Variants in ABCA12 observed in about 807,000 individuals in gnomAD.
ABCA12 encodes glucosylceramide transporter ABCA12.
ABCA12 carries 156 observed loss-of-function variants against 293.5 expected under a neutral mutation model. The ratio of observed to expected loss-of-function variants is 0.53; its 90% CI spans 0.47 to 0.61. ABCA12 has a LOEUF of 0.61. Among genes scored for constraint, ABCA12 ranks in the 20% least tolerant of loss-of-function variants. The pLI is 0.00. For missense variants in ABCA12, 2,797 were observed against 3,090.2 expected (o/e 0.91, Z 2.25); for synonymous variants, 1,063 against 1,108.0 (o/e 0.96, Z 0.81).
chr2:215,075,551 T>C lies in ABCA12; in HGVS notation c.164-11332A>G, dbSNP rs138518028. ...CCTGTATCTTGAGTCAGTTTCCTCA[T>C]TTATGCAGGAAAAAAAAAAAATCTG... On this transcript the variant is annotated intron_variant, in intron 2 of 52. Coordinates refer to ENST00000272895, the MANE Select transcript of ABCA12 (RefSeq NM_173076.3). The C allele has an allele frequency of 5.9e-4, 410 of 698,882 alleles. 1 individual carries two copies. The African/African-American group carries it at 6.0e-3, about 10-fold the overall frequency. 43.3% of individuals were successfully genotyped at this position (698,882 alleles called of 1,614,324 possible). A position where few individuals can be genotyped will look rare whatever the true frequency, so the allele number is the denominator to read the frequency against.
At chr2:214,991,077 C>A in intron 23 of ABCA12, 46 bp from the exon 24 acceptor site, 1 of 1,548,822 alleles carries the variant, frequency 6.5e-7, no homozygotes, top group South Asian at 1.1e-5. Flanking sequence ...TGATATTCTT[C>A]CAAATAAAAA....
In ABCA12 at chr2:215,049,692, T is replaced by G. The variant is rs149882663; in HGVS notation, c.627A>C (p.Lys209Asn). ...AAAGGGTCATGTTAGAAAGGCAAAA[T>G]TTGTTAAAAACATTTCTTCCTAGAA... The part of the protein sequence containing the change: ...WTFLGRNVFN[K>N]FCLSNMTLLE... The change falls in exon 6 of 53, where the codon AAA becomes AAC. Residue 209 changes from lysine to asparagine, a missense_variant. Transcript: ENST00000272895. The G allele has an allele frequency of 2.4e-5, 38 of 1,613,506 alleles. No individual in the cohort carries two copies. The African/African-American group carries it at 4.1e-4, about 18-fold the overall frequency.
intron 8 of ABCA12, among the ~76,000 whole-genome samples, chr2:215,032,934 C>G (rs1025644811): frequency 6.6e-6 from 1 of 152,052 alleles, no homozygotes; most frequent in Non-Finnish European, 1.5e-5. Flanking sequence ...TTTTGCTGGT[C>G]CTGATTATTA....
chr2:215,077,920 C>A (rs944627496), intron 2 of ABCA12, among the ~76,000 whole-genome samples: 25 of 152,068 alleles, frequency 1.6e-4, no homozygotes, highest in Admixed American at 1.6e-3. Context: ...AGATCACACA[C>A]AAAAAACGTA....
chr2:214,980,914 C>G (rs1699634259), intron 30 of ABCA12, among the ~76,000 whole-genome samples: 1 of 152,002 alleles, frequency 6.6e-6, no homozygotes, highest in Non-Finnish European at 1.5e-5. Flanking sequence ...GCCTGGCCAA[C>G]ATGGTGAAAC....
At chr2:214,987,490 C>T (rs1446567587) in intron 27 of ABCA12, among the ~76,000 whole-genome samples, 157 bp downstream of exon 27, 1 of 152,110 alleles carries the variant, frequency 6.6e-6, no homozygotes, top group Non-Finnish European at 1.5e-5. Context: ...ACAATTTAAT[C>T]CCCATAAGAG....
At chr2:214,960,575 CA>C (rs1334950528) in intron 39 of ABCA12, 3 of 152,018 alleles carry the variant, frequency 2.0e-5, no homozygotes, top group Non-Finnish European at 4.4e-5. Context: ...GCATGATGTC[CA>C]AAGTAGCGAG....
Position 214,953,997 on chromosome 2 carries a change from G to A in ABCA12, c.6504C>T (p.Phe2168=), listed in dbSNP as rs143361410. 8 of 1,613,966 alleles carry A rather than the reference G, an allele frequency of 5.0e-6. No individual in the cohort carries two copies. The African/African-American group carries it at 1.1e-4, about 22-fold the overall frequency. Residue 2168 remains phenylalanine (F), a synonymous_variant, in exon 44 of 53, where the codon TTC becomes TTT. Transcript: ENST00000272895. ...GGTATTCCACTCCATATGCTTTTAAGAAGTCTAGGACCGACTGTTGTTGAG... is the reference window on the plus strand; with the variant it reads ...GGTATTCCACTCCATATGCTTTTAAAAAGTCTAGGACCGACTGTTGTTGAG... ...ELSQQQSVLD[F]LKAYGVEYPN...
In ABCA12 at chr2:214,966,936, T is replaced by C. The variant is rs774138733; in HGVS notation, c.5796A>G (p.Glu1932=). The change falls in exon 39 of 53, where the codon GAA becomes GAG. Residue 1932 remains glutamate, a synonymous_variant. Coordinates refer to ENST00000272895, the MANE Select transcript of ABCA12 (RefSeq NM_173076.3). Reference sequence around the variant, plus strand: ...GGTAAGCTGGAAGGGAGTGATAGCCTTCTGGATCATACCATACCTATTAAA... The same window carrying C: ...GGTAAGCTGGAAGGGAGTGATAGCCCTCTGGATCATACCATACCTATTAAA... ...RTLAKVWYDP[E]GYHSLPAYLN... 1 of 1,613,708 alleles carries C rather than the reference T, an allele frequency of 6.2e-7. No individual in the cohort carries two copies. The highest frequency in any genetic ancestry group is 8.5e-7 in the Non-Finnish European group (1 of 1,179,704).
At position 214,986,677 on chromosome 2, in the gene ABCA12, G is replaced by T; in HGVS notation, c.4028C>A (p.Thr1343Lys). The change falls in exon 28 of 53, where the codon ACA becomes AAA. Residue 1343 changes from threonine to lysine, a missense_variant. Thr to Lys is a moderately conservative substitution (Grantham distance 78, BLOSUM62 -1). Around this residue, in one of 3 missense-constraint regions of ABCA12, gnomAD observed 2,130 missense variants for 2,427.0 expected, o/e 0.88. Coordinates refer to ENST00000272895, the MANE Select transcript of ABCA12 (RefSeq NM_173076.3). ...SNIEPEPKDL[T>K]VGVALHGVTK... ...GACCCCATGCAGGGCAACCCCGACT[G>T]TGAGATCTTTAGGTTCAGGCTCGAT... The T allele has an allele frequency of 6.2e-7, 1 of 1,614,122 alleles. No individual in the cohort carries two copies. The highest frequency in any genetic ancestry group is 8.5e-7 in the Non-Finnish European group (1 of 1,179,990).
At position 214,991,047 on chromosome 2, in the gene ABCA12, A is replaced by G. The variant is rs1334827466; in HGVS notation, c.3295-16T>C. 1 of 1,609,112 alleles carries G rather than the reference A, an allele frequency of 6.2e-7. No homozygotes were observed. Among genetic ancestry groups the G allele is most frequent in the Admixed American group, 1.7e-5 (1 of 60,018 alleles). Reference sequence around the variant, plus strand: ...TCTTCATGTACTGTAAGAAGAAAAAATGTGAGGCGCTTGTTATGCTGATAT... The same window carrying G: ...TCTTCATGTACTGTAAGAAGAAAAAGTGTGAGGCGCTTGTTATGCTGATAT... On this transcript the variant is annotated splice_polypyrimidine_tract_variant and intron_variant, in intron 23 of 52. Transcript: ENST00000272895.
At chr2:215,025,640 G>GTTTTTTTTTTTTTTTTTTTTTTTT in intron 11 of ABCA12, 33 bp downstream of exon 11, 1 of 1,222,562 alleles carries the variant, frequency 8.2e-7, no homozygotes, top group Non-Finnish European at 1.1e-6. Flanking sequence ...TTTTTTTTTT[G>GTTTTTTTTTTTTTTTTTTTTTTTT]TTTTTTGTTT....
At chr2:215,001,811 T>C in intron 20 of ABCA12, 74 bp from the exon 21 acceptor site, 1 of 1,318,166 alleles carries the variant, frequency 7.6e-7, no homozygotes, top group Non-Finnish European at 1.1e-6. Context: ...GAAATACTGA[T>C]TTTTTGTAAA....
rs945688014 is a variant in ABCA12, at chr2:214,986,591, G to A, written c.4114C>T (p.His1372Tyr). 1 of 1,613,882 alleles carries A rather than the reference G, an allele frequency of 6.2e-7. No individual in the cohort carries two copies. The highest frequency in any genetic ancestry group is 8.5e-7 in the Non-Finnish European group (1 of 1,179,982). Residue 1372 changes from histidine (H) to tyrosine (Y), a missense_variant, in exon 28 of 53, where the codon CAT (histidine) becomes TAT (tyrosine). By Grantham distance (83) the His-to-Tyr change is moderately conservative. Coordinates refer to ENST00000272895, the MANE Select transcript of ABCA12 (RefSeq NM_173076.3). Reference protein sequence around the residue: ...DNLNLNFYEGHITSLLGPNGA... With the variant: ...DNLNLNFYEGYITSLLGPNGA... ...TTGGGCCCCAGCAATGAAGTAATAT[G>A]CCCTTCATAAAAGTTCAGATTGAGG...
At chr2:214,938,576 C>T (rs896909057) in intron 50 of ABCA12, among the ~76,000 whole-genome samples, 11 of 152,050 alleles carry the variant, frequency 7.2e-5, no homozygotes, top group South Asian at 4.1e-4. Context: ...TTTACACTTC[C>T]GCCAACAGTG....
chr2:214,938,119 C>A (rs1444023170), intron 50 of ABCA12, among the ~76,000 whole-genome samples: 2 of 151,852 alleles, frequency 1.3e-5, no homozygotes, highest in Non-Finnish European at 2.9e-5. Flanking sequence ...CCCCACCCCC[C>A]AACAGACCCT....
At chr2:215,111,200 T>C (rs1702564566) in intron 2 of ABCA12, among the ~76,000 whole-genome samples, 1 of 152,254 alleles carries the variant, frequency 6.6e-6, no homozygotes, top group Non-Finnish European at 1.5e-5. Context: ...ATTTGTATAC[T>C]ACTCTGGATT....
At chr2:215,019,105 T>C (rs1269464797) in intron 13 of ABCA12, among the ~76,000 whole-genome samples, 4 of 152,230 alleles carry the variant, frequency 2.6e-5, no homozygotes, top group African/African-American at 9.6e-5. Context: ...TAGTTAAACT[T>C]TTGAAGATCT....
At chr2:215,023,225 AGGT>A (rs1192696681) in intron 11 of ABCA12, 1 of 152,200 alleles carries the variant, frequency 6.6e-6, no homozygotes, top group Non-Finnish European at 1.5e-5. Flanking sequence ...TTTCAGTGAT[AGGT>A]ACTGAGTGTT....
Sources: allele counts gnomAD v4.1 joint callset (sites outside exome capture counted in the v4.1 genomes callset), GRCh38; gene constraint gnomAD v4.1.1; regional missense constraint gnomAD v4.1.1; transcripts MANE v1.5; gene names NCBI Gene and HGNC (gene_info 2026-07-23, HGNC 2026-07-21).